Variants in KLHL29 observed in about 807,000 individuals in gnomAD.
KLHL29 encodes the protein kelch-like protein 29.
In KLHL29, 21 loss-of-function variants were observed where a neutral mutation model predicts 80.4. The observed-to-expected ratio is 0.26, with a 90% CI of 0.19 to 0.38. KLHL29 has a LOEUF of 0.38. Among genes scored for constraint, KLHL29 ranks in the 10% least tolerant of loss-of-function variants. The pLI, the probability that KLHL29 is intolerant of heterozygous loss-of-function variation, is 1.00. For missense variants in KLHL29, 867 were observed against 1,223.9 expected, an observed-to-expected ratio of 0.71 and a Z score of 4.35; for synonymous variants, 511 against 526.8, an observed-to-expected ratio of 0.97 and a Z score of 0.41.
chr2:23,645,708 A>G (rs908142399), intron 5 of KLHL29, among the ~76,000 whole-genome samples: 9 of 152,372 alleles, frequency 5.9e-5, no homozygotes, highest in South Asian at 2.1e-4. Context: ...ATTAGTGCCC[A>G]GATTTAAAAT....
chr2:23,398,045 A>T (rs1318008926), intron 1 of KLHL29, among the ~76,000 whole-genome samples: 1 of 152,242 alleles, frequency 6.6e-6, no homozygotes, highest in Non-Finnish European at 1.5e-5. Context: ...GGAAAACATT[A>T]TGGCCATTCT....
intron 5 of KLHL29, among the ~76,000 whole-genome samples, chr2:23,653,906 C>T (rs984359662): frequency 3.9e-5 from 6 of 152,266 alleles, no homozygotes; most frequent in Non-Finnish European, 8.8e-5. Flanking sequence ...TGGCTCACAA[C>T]CTATAATCCC....
In KLHL29 at chr2:23,562,582, T is replaced by A; in HGVS notation, c.285+101T>A. The A allele has an allele frequency of 8.3e-7, 1 of 1,207,926 alleles. No individual in the cohort carries two copies. Among genetic ancestry groups the A allele is most frequent in the African/African-American group, 1.5e-5 (1 of 65,098 alleles). 74.8% of individuals were successfully genotyped at this position (1,207,926 alleles called of 1,614,324 possible). ...CAGGCTCCTGTGGGGCAGCCTGTGC[T>A]CCACGCCCCGAGTCCTCCAGAGTCT... On this transcript the variant is annotated intron_variant, in intron 3 of 13. Transcript: ENST00000486442. This position sits in a 1 kb window ranked among gnomAD's most constrained non-coding sequence, Gnocchi z 4.5.
At chr2:23,541,697 C>T (rs1248008920) in intron 2 of KLHL29, among the ~76,000 whole-genome samples, 4 of 151,676 alleles carry the variant, frequency 2.6e-5, no homozygotes, top group Non-Finnish European at 5.9e-5. Flanking sequence ...AGTGCATTCA[C>T]CGTTCTTTCT....
intron 1 of KLHL29, among the ~76,000 whole-genome samples, chr2:23,415,671 T>C (rs958449984): frequency 6.6e-6 from 1 of 152,078 alleles, no homozygotes; most frequent in African/African-American, 2.4e-5. Context: ...CCTTAGTCTG[T>C]TTATGTATCC....
At chr2:23,571,059 C>T (rs1667704906) in intron 3 of KLHL29, among the ~76,000 whole-genome samples, 3 of 152,236 alleles carry the variant, frequency 2.0e-5, no homozygotes, top group Non-Finnish European at 2.9e-5. Context: ...TCTAGAACAG[C>T]GCCTGCCTTG....
intron 2 of KLHL29, chr2:23,523,877 A>G (rs912303042): frequency 4.9e-6 from 2 of 411,968 alleles, no homozygotes; most frequent in East Asian, 7.3e-5. Flanking sequence ...TGCTGTTTGT[A>G]CTGCTTGGAC....
Position 23,546,640 on chromosome 2 carries a change from G to A in KLHL29, c.-45-15512G>A, listed in dbSNP as rs140505012. Among the ~76,000 whole-genome samples the A allele has an allele frequency of 2.7e-3, 412 of 152,242 alleles. 4 individuals are homozygous for A. Among genetic ancestry groups the A allele is most frequent in the African/African-American group, 9.6e-3 (397 of 41,546 alleles). ...GAGCTGGCCTAGGAGGGAAACTGAG[G>A]CTTCTCCCCCTCTCCCGGGGAGGAG... On this transcript the variant is annotated intron_variant, in intron 2 of 13. Transcript: ENST00000486442.
chr2:23,469,699 C>T (rs572445333), intron 1 of KLHL29, among the ~76,000 whole-genome samples: 9 of 152,076 alleles, frequency 5.9e-5, no homozygotes, highest in East Asian at 1.9e-4. Flanking sequence ...TGAGTTGAAC[C>T]GTGGAGGCAA....
intron 2 of KLHL29, among the ~76,000 whole-genome samples, chr2:23,546,845 G>A (rs1666990923): frequency 6.6e-6 from 1 of 152,230 alleles, no homozygotes; most frequent in Non-Finnish European, 1.5e-5. Context: ...GGGGATATCT[G>A]GAACATGCAG....
At chr2:23,520,998 C>T (rs547493184) in intron 2 of KLHL29, among the ~76,000 whole-genome samples, 1 of 151,498 alleles carries the variant, frequency 6.6e-6, no homozygotes, top group Admixed American at 6.6e-5. Context: ...GACCACCCCC[C>T]CCCCCGCTCC....
chr2:23,603,058 C>T (rs1668612296), intron 3 of KLHL29, among the ~76,000 whole-genome samples: 1 of 152,162 alleles, frequency 6.6e-6, no homozygotes, highest in South Asian at 2.1e-4. Flanking sequence ...GGTGGGCAGT[C>T]TGGGGTGAGG....
At chr2:23,573,808 C>T in intron 3 of KLHL29, among the ~76,000 whole-genome samples, 1 of 152,154 alleles carries the variant, frequency 6.6e-6, no homozygotes, top group Non-Finnish European at 1.5e-5. Flanking sequence ...GACCGTTGGG[C>T]CTTAAAGCCC....
rs568343009 is a variant in KLHL29 at position 23,392,659 on chromosome 2, A to G, written c.-154+6879A>G. ...AGTGGTAATCAACTGGCCCAAGGCC[A>G]CAAACCTAGCCACGTTGTTCAGCTG... On this transcript the variant is annotated intron_variant, in intron 1 of 13. Transcript: ENST00000486442. Among the ~76,000 whole-genome samples, 8 of 152,362 alleles carry G rather than the reference A, an allele frequency of 5.3e-5. No homozygotes were observed. The South Asian group carries it at 1.7e-3, about 32-fold the overall frequency.
At chr2:23,553,332 G>A (rs1390488066) in intron 2 of KLHL29, among the ~76,000 whole-genome samples, 1 of 152,228 alleles carries the variant, frequency 6.6e-6, no homozygotes, top group Non-Finnish European at 1.5e-5. Context: ...TTCACCTGGG[G>A]CCTTGATATT....
intron 2 of KLHL29, among the ~76,000 whole-genome samples, chr2:23,549,287 AAAAAT>A (rs1303146950): frequency 6.6e-6 from 1 of 152,190 alleles, no homozygotes; most frequent in African/African-American, 2.4e-5. Context: ...TGGTTAATCT[AAAAAT>A]AAACAGAAAG....
intron 3 of KLHL29, among the ~76,000 whole-genome samples, chr2:23,592,707 C>A (rs1668299063): frequency 6.6e-6 from 1 of 152,184 alleles, no homozygotes; most frequent in Non-Finnish European, 1.5e-5. Flanking sequence ...AGGGAAGAAC[C>A]AAGAGCTTGC....
rs1672697416 is a variant in KLHL29 at position 23,700,303 on chromosome 2, T to G, written c.2106-2883T>G. 6.6e-6 allele frequency among the ~76,000 whole-genome samples: 1 copy of G among 152,192 alleles called. No individual in the cohort carries two copies. The highest frequency in any genetic ancestry group is 6.5e-5 in the Admixed American group (1 of 15,280). ...AGCCAGTTGTTTTAACCACAAAAAT[T>G]TAACAATTTTTAATTATTAAAAATT... On this transcript the variant is annotated intron_variant, in intron 11 of 13. Coordinates refer to ENST00000486442, the MANE Select transcript of KLHL29 (RefSeq NM_052920.2). This position sits in a 1 kb window ranked among gnomAD's most constrained non-coding sequence, Gnocchi z 4.6.
At chr2:23,387,474 G>A (rs1428369381) in intron 1 of KLHL29, among the ~76,000 whole-genome samples, 1 of 151,762 alleles carries the variant, frequency 6.6e-6, no homozygotes. Flanking sequence ...TCAGATGAAT[G>A]ACAGCAGACT....
Sources: gnomAD v4.1 joint callset for allele counts (sites outside exome capture counted in the v4.1 genomes callset) on GRCh38, gnomAD v4.1.1 for gene constraint, Gnocchi (gnomAD v3.1) non-coding constraint, MANE v1.5 for transcripts, NCBI Gene and HGNC (gene_info 2026-07-23, HGNC 2026-07-21) for gene names.